Variants in TMEFF2 observed in about 807,000 individuals in gnomAD.
The protein encoded by TMEFF2 is tomoregulin-2.
Under a neutral mutation model 53.8 loss-of-function variants are expected in TMEFF2, and 28 were observed. The ratio of observed to expected loss-of-function variants is 0.52; its 90% CI spans 0.39 to 0.71. The LOEUF is 0.71. Among genes scored for constraint, TMEFF2 ranks in the 30% least tolerant of loss-of-function variants. The pLI is 0.00. For missense variants in TMEFF2, 353 were observed against 455.2 expected (o/e 0.78, Z 2.04); for synonymous variants, 162 against 166.3 (o/e 0.97, Z 0.20).
In TMEFF2 at chr2:192,103,037, GGGAA is replaced by G. The variant is rs2105946465; in HGVS notation, c.440-45266_440-45263del. The stretch of plus-strand genomic sequence containing the variant: ...TTGGGTCACTCTGGACATTAATGAT[GGGAA>G]TAGTGACTTCTCACTAATTCAGACT... On this transcript the variant is annotated intron_variant, in intron 4 of 9. Coordinates refer to ENST00000272771, the MANE Select transcript of TMEFF2 (RefSeq NM_016192.4). Among the ~76,000 whole-genome samples the G allele has an allele frequency of 2.0e-5, 3 of 152,020 alleles. No homozygotes were observed. In the South Asian group the frequency reaches 6.2e-4, roughly 32 times the overall value.
At chr2:192,089,825 A>T (rs779966903) in intron 4 of TMEFF2, among the ~76,000 whole-genome samples, 94 of 152,304 alleles carry the variant, frequency 6.2e-4, no homozygotes, top group Non-Finnish European at 1.1e-3. Flanking sequence ...AAGGTTAAAT[A>T]AGAAAAGACA....
At chr2:191,990,487 A>T (rs1207526605) in intron 7 of TMEFF2, among the ~76,000 whole-genome samples, 1 of 148,652 alleles carries the variant, frequency 6.7e-6, no homozygotes, top group African/African-American at 2.5e-5. Context: ...TATGGAAAAC[A>T]TTGTGCCTTG....
intron 4 of TMEFF2, among the ~76,000 whole-genome samples, chr2:192,116,404 G>A (rs953169888): frequency 6.6e-6 from 1 of 151,932 alleles, no homozygotes; most frequent in Non-Finnish European, 1.5e-5. Flanking sequence ...GAGACAAAAT[G>A]TACAGCATCG....
At chr2:192,055,249 G>A (rs1210213084) in intron 5 of TMEFF2, among the ~76,000 whole-genome samples, 2 of 152,214 alleles carry the variant, frequency 1.3e-5, no homozygotes, top group African/African-American at 2.4e-5. Flanking sequence ...AGGAGAAAGA[G>A]TCTTTGAATT....
chr2:192,178,573 A>T (rs1362659451), intron 4 of TMEFF2: 1 of 150,952 alleles, frequency 6.6e-6, no homozygotes, highest in Non-Finnish European at 1.5e-5. Flanking sequence ...GTCTTTATGA[A>T]AAAAAAATTG....
intron 4 of TMEFF2, among the ~76,000 whole-genome samples, chr2:192,078,148 G>T (rs1688475973): frequency 6.6e-6 from 1 of 152,076 alleles, no homozygotes; most frequent in Non-Finnish European, 1.5e-5. Flanking sequence ...ATGGGTTCTG[G>T]ATGACTGAGA....
chr2:192,035,923 C>A (rs1233371621), intron 5 of TMEFF2, among the ~76,000 whole-genome samples: 1 of 152,144 alleles, frequency 6.6e-6, no homozygotes, highest in Non-Finnish European at 1.5e-5. Flanking sequence ...TTAACATCTT[C>A]GTTTCTGTTT....
At chr2:192,025,348 C>G (rs1686947260) in intron 5 of TMEFF2, among the ~76,000 whole-genome samples, 1 of 149,216 alleles carries the variant, frequency 6.7e-6, no homozygotes, top group Admixed American at 6.7e-5. Context: ...AAGGTCTTAT[C>G]TGAGGCAAAA....
At chr2:192,124,585 A>T (rs1220734636) in intron 4 of TMEFF2, among the ~76,000 whole-genome samples, 2 of 152,202 alleles carry the variant, frequency 1.3e-5, no homozygotes, top group Non-Finnish European at 2.9e-5. Flanking sequence ...AACTGCCAGG[A>T]TCTTCTGGAT....
In TMEFF2 at chr2:192,143,930, C is replaced by T. The variant is rs544097830; in HGVS notation, c.439+35738G>A. ...TGACTTTTTACTTCATAATGTCATG[C>T]TCTTAGGCCAGTCTTTATTCCATTT... is the stretch of plus-strand genomic sequence containing the variant. On this transcript the variant is annotated intron_variant, in intron 4 of 9. Transcript: ENST00000272771. Among the ~76,000 whole-genome samples, 83 of 152,240 alleles carry T rather than the reference C, an allele frequency of 5.5e-4. 2 individuals are homozygous for T. In the South Asian group the frequency reaches 0.016, roughly 30 times the overall value.
intron 4 of TMEFF2, among the ~76,000 whole-genome samples, chr2:192,152,376 C>A (rs973885188): frequency 6.6e-6 from 1 of 151,822 alleles, no homozygotes; most frequent in Non-Finnish European, 1.5e-5. Context: ...ACTAAAATTA[C>A]CTAATATGAT....
At position 192,191,973 on chromosome 2, in the gene TMEFF2, T is replaced by G. The variant is rs752563226; in HGVS notation, c.189A>C (p.Glu63Asp). 50 of 1,611,986 alleles carry G rather than the reference T, an allele frequency of 3.1e-5. 2 individuals carry two copies. The South Asian group carries it at 5.5e-4, about 18-fold the overall frequency. The change falls in exon 2 of 10, where the codon GAA (glutamate) becomes GAC (aspartate). Residue 63 changes from glutamate to aspartate, a missense_variant. Physicochemically the swap from Glu to Asp is conservative, Grantham distance 45 (BLOSUM62 2). Transcript: ENST00000272771. ...GWNCSGYDDR[E>D]NDLFLCDTNT... Reference sequence around the variant, plus strand: ...TGGTGTCACAGAGGAAGAGATCATTTTCTCTGTCATCATAACCTCAAATTC... The same window carrying G: ...TGGTGTCACAGAGGAAGAGATCATTGTCTCTGTCATCATAACCTCAAATTC...
At chr2:191,964,003 C>T (rs998145905) in intron 7 of TMEFF2, among the ~76,000 whole-genome samples, 10 of 152,088 alleles carry the variant, frequency 6.6e-5, no homozygotes, top group African/African-American at 2.4e-4. Flanking sequence ...GTAATTTACA[C>T]AACTTGTAAA....
rs369037663 is a variant in TMEFF2 at position 191,956,348 on chromosome 2, C to T, written c.776G>A (p.Arg259Lys). The T allele has an allele frequency of 1.9e-6, 3 of 1,613,654 alleles. No homozygotes were observed. Among genetic ancestry groups the T allele is most frequent in the African/African-American group, 1.3e-5 (1 of 74,912 alleles). The change falls in exon 8 of 10, where the codon AGA becomes AAA. Residue 259 changes from arginine (R) to lysine (K), a missense_variant. This residue lies in a region of TMEFF2 where 294 missense variants were observed against 397.3 expected (regional missense o/e 0.74). Coordinates refer to ENST00000272771, the MANE Select transcript of TMEFF2 (RefSeq NM_016192.4). ...ENANKLEESAREHHIPCPEHY... is the reference protein window; with the variant it reads ...ENANKLEESAKEHHIPCPEHY... ...TTCCGGACAAGGTATGTGGTGTTCT[C>T]TGGCACTTTCTTCTAATTTGTTAGC...
chr2:192,192,166 C>CGT (rs1164896230), intron 1 of TMEFF2, among the ~76,000 whole-genome samples, 177 bp from the exon 2 acceptor site: 11 of 152,262 alleles, frequency 7.2e-5, no homozygotes, highest in African/African-American at 2.6e-4. Context: ...GATCAATATT[C>CGT]GTTTCCATTT....
At chr2:191,970,905 C>T (rs1485447306) in intron 7 of TMEFF2, among the ~76,000 whole-genome samples, 1 of 152,136 alleles carries the variant, frequency 6.6e-6, no homozygotes, top group Non-Finnish European at 1.5e-5. Context: ...CAAAAGTTTC[C>T]TACTTTGAAT....
chr2:192,190,209 C>CT (rs577832451), intron 2 of TMEFF2, among the ~76,000 whole-genome samples: 36 of 148,858 alleles, frequency 2.4e-4, no homozygotes, highest in East Asian at 2.4e-3. Context: ...CTGTCAACCC[C>CT]TTTTTTTTTT....
At chr2:192,145,304 T>C (rs1247335189) in intron 4 of TMEFF2, among the ~76,000 whole-genome samples, 24 of 151,996 alleles carry the variant, frequency 1.6e-4, no homozygotes, top group Admixed American at 1.6e-3. Flanking sequence ...GTAACGAATG[T>C]CACGAATCTT....
intron 5 of TMEFF2, among the ~76,000 whole-genome samples, chr2:192,023,659 G>A (rs1048919314): frequency 2.7e-5 from 4 of 149,650 alleles, no homozygotes; most frequent in South Asian, 2.1e-4. Flanking sequence ...ATGCTAATTT[G>A]ACTTTTTCAT....
Sources: gnomAD v4.1 joint callset for allele counts (sites outside exome capture counted in the v4.1 genomes callset) on GRCh38, gnomAD v4.1.1 for gene constraint, gnomAD v4.1.1 regional missense constraint, MANE v1.5 for transcripts, NCBI Gene and HGNC (gene_info 2026-07-23, HGNC 2026-07-21) for gene names.